Variants in SRGAP3 observed in about 807,000 individuals in gnomAD.
SRGAP3 encodes SLIT-ROBO Rho GTPase activating protein 3.
Under a neutral mutation model 121.1 loss-of-function variants are expected in SRGAP3, and 39 were observed. That is an observed-to-expected ratio of 0.32 (90% CI 0.25 to 0.42). The LOEUF (loss-of-function observed/expected upper bound fraction) is 0.42, where lower values mean the gene tolerates loss of function less well. Among genes scored for constraint, SRGAP3 ranks in the 10% least tolerant of loss-of-function variants. SRGAP3 has a pLI of 1.00. For missense variants in SRGAP3, 1,213 were observed against 1,470.6 expected (o/e 0.82, Z 2.86); for synonymous variants, 601 against 570.0 (o/e 1.05, Z -0.77).
rs341790 is a variant in SRGAP3, at chr3:8,982,462, C to A, written c.*3057G>T. 0.64 allele frequency: 140,753 copies of A among 221,056 alleles called. 45,472 individuals are homozygous for A. Among genetic ancestry groups the A allele is most frequent in the Middle Eastern group, 0.75 (535 of 718 alleles). The allele number at this position is 221,056 out of a possible 1,614,324, so 13.7% of individuals were successfully genotyped here. ...GTTAGGTATTTGTTTTTACATTGAT[C>A]TATCTACTAGGTGCAAAGATTTGGT... On this transcript the variant is annotated 3_prime_UTR_variant, in exon 22 of 22. Coordinates refer to ENST00000383836, the MANE Select transcript of SRGAP3 (RefSeq NM_014850.4).
At chr3:9,050,614 C>T (rs1945519134) in intron 9 of SRGAP3, among the ~76,000 whole-genome samples, 1 of 152,210 alleles carries the variant, frequency 6.6e-6, no homozygotes, top group African/African-American at 2.4e-5. Flanking sequence ...TAAGAATAAA[C>T]TATAACATCT....
chr3:9,033,902 C>T (rs1029893490), intron 11 of SRGAP3: 4 of 152,226 alleles, frequency 2.6e-5, no homozygotes, highest in African/African-American at 7.2e-5. Flanking sequence ...CTTTTCCTAC[C>T]AGGCCACCAT....
chr3:9,344,093 G>A (rs1270905534), intron 1 of SRGAP3, among the ~76,000 whole-genome samples: 1 of 152,204 alleles, frequency 6.6e-6, no homozygotes, highest in Non-Finnish European at 1.5e-5. Flanking sequence ...GCCAAGACGG[G>A]CAGATCACCT....
chr3:9,255,494 C>A (rs1954112120), intron 3 of SRGAP3, among the ~76,000 whole-genome samples: 1 of 152,182 alleles, frequency 6.6e-6, no homozygotes, highest in South Asian at 2.1e-4. Context: ...GCAAGGAAGG[C>A]AAAGTCTCTC....
intron 5 of SRGAP3, among the ~76,000 whole-genome samples, chr3:9,060,695 C>A (rs1189632312): frequency 6.6e-6 from 1 of 152,150 alleles, no homozygotes; most frequent in East Asian, 1.9e-4. Context: ...CCACCTTAGC[C>A]TCCCAAGTGT....
At chr3:9,061,042 G>C (rs981605663) in intron 5 of SRGAP3, among the ~76,000 whole-genome samples, 1 of 152,186 alleles carries the variant, frequency 6.6e-6, no homozygotes, top group Non-Finnish European at 1.5e-5. Context: ...GACCAGCCTG[G>C]CCAACAGGGC....
At chr3:8,993,287 C>T (rs1574862181) in intron 19 of SRGAP3, among the ~76,000 whole-genome samples, 1 of 152,366 alleles carries the variant, frequency 6.6e-6, no homozygotes, top group East Asian at 1.9e-4. Flanking sequence ...CACCTACCTC[C>T]TCCTTTTTTC....
At chr3:9,227,861 T>C (rs755965412) in intron 1 of SRGAP3, among the ~76,000 whole-genome samples, 8 of 152,100 alleles carry the variant, frequency 5.3e-5, no homozygotes, top group Non-Finnish European at 7.3e-5. Flanking sequence ...TATCCTGCCC[T>C]TGAGTAAAAC....
intron 4 of SRGAP3, among the ~76,000 whole-genome samples, chr3:9,075,551 T>A (rs1946937170): frequency 6.6e-6 from 1 of 152,148 alleles, no homozygotes; most frequent in African/African-American, 2.4e-5. Context: ...GGCCTTGCAG[T>A]CTCCTCTGCA....
chr3:9,046,263 G>T (rs1945272301), intron 10 of SRGAP3, among the ~76,000 whole-genome samples: 1 of 152,232 alleles, frequency 6.6e-6, no homozygotes. Context: ...TGCAGTGACA[G>T]AAATCAGATC....
chr3:9,270,032 T>C (rs943969434), intron 3 of SRGAP3, among the ~76,000 whole-genome samples: 2 of 152,022 alleles, frequency 1.3e-5, no homozygotes, highest in Admixed American at 6.6e-5. Flanking sequence ...ACCCCCAGAG[T>C]TTCTGATTTA....
At chr3:9,220,044 C>T (rs997360422) in intron 1 of SRGAP3, among the ~76,000 whole-genome samples, 4 of 151,580 alleles carry the variant, frequency 2.6e-5, no homozygotes, top group Admixed American at 6.6e-5. Flanking sequence ...TAGGGTGGGG[C>T]GGGGAGGAAG....
intron 1 of SRGAP3, among the ~76,000 whole-genome samples, chr3:9,139,571 G>A (rs1383841941): frequency 1.3e-5 from 2 of 152,242 alleles, no homozygotes; most frequent in African/African-American, 4.8e-5. Flanking sequence ...AGGGAGTGTG[G>A]CTCTGGCCAC....
rs146572636 is a variant in SRGAP3 at position 9,349,145 on chromosome 3, C to T, written n.214+13695G>A. On this transcript the variant is annotated intron_variant and non_coding_transcript_variant, in intron 1 of 3. Coordinates refer to the SRGAP3 transcript ENST00000490889. ...GTTCCTGGGGGATGAAGAGACCATG[C>T]GTAAAGCCATGGAAGCTGTGGCTGC... The T allele has an allele frequency of 1.7e-3, 1,313 of 774,482 alleles. 16 individuals carry two copies. In the African/African-American group the frequency reaches 0.02, roughly 12 times the overall value. The allele number at this position is 774,482 out of a possible 1,614,324, so 48.0% of individuals were successfully genotyped here.
chr3:9,040,575 A>G (rs1228266444), intron 10 of SRGAP3, among the ~76,000 whole-genome samples: 9 of 151,320 alleles, frequency 5.9e-5, no homozygotes, highest in Admixed American at 5.3e-4. Context: ...ATTTTATATT[A>G]TTTTATTTAT....
intron 3 of SRGAP3, among the ~76,000 whole-genome samples, chr3:9,080,551 T>A (rs1947190772): frequency 6.6e-6 from 1 of 152,074 alleles, no homozygotes; most frequent in Non-Finnish European, 1.5e-5. Context: ...AAATGATAAT[T>A]CTCAAGTCCT....
intron 21 of SRGAP3, 84 bp from the exon 22 acceptor site, chr3:8,986,016 A>C (rs1358273339): frequency 3.1e-6 from 5 of 1,591,666 alleles, no homozygotes; most frequent in Non-Finnish European, 4.3e-6. Flanking sequence ...TTCCCTTCGT[A>C]GGCAGGTTCC....
intron 7 of SRGAP3, among the ~76,000 whole-genome samples, chr3:9,057,560 G>A (rs959480253): frequency 6.6e-6 from 1 of 152,190 alleles, no homozygotes; most frequent in Non-Finnish European, 1.5e-5. Flanking sequence ...CCTCCCAGCA[G>A]GTGCCACGGG....
intron 10 of SRGAP3, among the ~76,000 whole-genome samples, chr3:9,042,162 C>T (rs1270973771): frequency 6.7e-6 from 1 of 150,160 alleles, no homozygotes; most frequent in African/African-American, 2.4e-5. Context: ...TGACATATTA[C>T]ATTTGACCTA....
Sources: allele counts gnomAD v4.1 joint callset (sites outside exome capture counted in the v4.1 genomes callset), GRCh38; gene constraint gnomAD v4.1.1; transcripts MANE v1.5; gene names NCBI Gene and HGNC (gene_info 2026-07-23, HGNC 2026-07-21).